CAMTA1: variants seen among roughly 807,000 people sequenced by gnomAD.
The protein encoded by CAMTA1 is calmodulin binding transcription activator 1.
Under a neutral mutation model 170.9 loss-of-function variants are expected in CAMTA1, and 27 were observed. The ratio of observed to expected loss-of-function variants is 0.16; its 90% confidence interval spans 0.12 to 0.22. The LOEUF is 0.22. Ranked by LOEUF, CAMTA1 falls within the 10% of genes least tolerant of loss-of-function variation. The pLI, the probability that CAMTA1 is intolerant of heterozygous loss-of-function variation, is 1.00. For synonymous variants in CAMTA1, 833 were observed against 891.5 expected, an observed-to-expected ratio of 0.93 and a Z score of 1.17; for missense variants, 1,619 against 2,217.2, an observed-to-expected ratio of 0.73 and a Z score of 5.42.
intron 4 of CAMTA1, among the ~76,000 whole-genome samples, chr1:7,186,788 G>A (rs1653376190): frequency 6.6e-6 from 1 of 152,174 alleles, no homozygotes; most frequent in Admixed American, 6.5e-5. Context: ...GGTCCACGGA[G>A]AATGAATGCT....
chr1:7,704,193 GGAGCCC>G (rs1434162258), intron 11 of CAMTA1, among the ~76,000 whole-genome samples: 2 of 148,500 alleles, frequency 1.3e-5, no homozygotes, highest in Middle Eastern at 3.5e-3. Flanking sequence ...GGCCGCGCAG[GGAGCCC>G]GAGCCCGGGA....
intron 6 of CAMTA1, among the ~76,000 whole-genome samples, chr1:7,558,330 G>T (rs2094908892): frequency 6.6e-6 from 1 of 152,202 alleles, no homozygotes; most frequent in Non-Finnish European, 1.5e-5. Flanking sequence ...AGGAAGAGGG[G>T]GGTCAAGGCC....
At chr1:7,492,625 A>ACACG (rs1220274308) in intron 6 of CAMTA1, among the ~76,000 whole-genome samples, 1 of 150,870 alleles carries the variant, frequency 6.6e-6, no homozygotes, top group Middle Eastern at 3.4e-3. Flanking sequence ...ATGTACATAC[A>ACACG]CGCGCACACA....
intron 3 of CAMTA1, among the ~76,000 whole-genome samples, chr1:6,859,693 G>A (rs1054700279): frequency 2.0e-5 from 3 of 152,194 alleles, no homozygotes. Context: ...GGAAGCTAAG[G>A]TGGGAGGATC....
intron 5 of CAMTA1, among the ~76,000 whole-genome samples, chr1:7,371,797 T>C (rs1209942923): frequency 6.6e-6 from 1 of 152,236 alleles, no homozygotes; most frequent in African/African-American, 2.4e-5. Context: ...TGAAATCTTC[T>C]GGTTCAGTGG....
chr1:7,358,556 GC>G (rs1032313777), intron 5 of CAMTA1, among the ~76,000 whole-genome samples: 65 of 151,748 alleles, frequency 4.3e-4, no homozygotes, highest in Non-Finnish European at 5.9e-5. Flanking sequence ...CGCCACCCCT[GC>G]CCCGGGCAGC....
At chr1:7,289,742 G>A (rs1471254207) in intron 5 of CAMTA1, among the ~76,000 whole-genome samples, 45 of 152,174 alleles carry the variant, frequency 3.0e-4, no homozygotes, top group Admixed American at 2.9e-3. Flanking sequence ...CTCAGGGCAG[G>A]CATGGAGAGA....
chr1:6,871,520 A>G (rs751431055), intron 3 of CAMTA1, among the ~76,000 whole-genome samples: 1 of 152,240 alleles, frequency 6.6e-6, no homozygotes, highest in Non-Finnish European at 1.5e-5. Flanking sequence ...AAATTGAAAT[A>G]TCAGCACTTT....
intron 3 of CAMTA1, among the ~76,000 whole-genome samples, chr1:7,040,740 TAAA>T (rs1467634812): frequency 6.6e-6 from 1 of 150,974 alleles, no homozygotes; most frequent in African/African-American, 2.4e-5. Context: ...TTTTTTTTTT[TAAA>T]GACAGAGTCT....
rs754591776 is a variant in CAMTA1 at position 7,664,785 on chromosome 1, C to T, written c.2238C>T (p.Pro746=). 18 of 1,612,460 alleles carry T rather than the reference C, an allele frequency of 1.1e-5. No homozygotes were observed. Among genetic ancestry groups the T allele is most frequent in the Middle Eastern group, 1.7e-4 (1 of 6,060 alleles). ...GCAACGTGGTGCAGGGACTCTACCC[C>T]GTGGCCCAGCCCAGCCTCGGCAACG... ...LPGNVVQGLY[P]VAQPSLGNAS... is the part of the protein sequence containing the mutation. The change falls in exon 9 of 23, where the codon CCC becomes CCT. Residue 746 remains proline, a synonymous_variant. Transcript: ENST00000303635.
intron 4 of CAMTA1, among the ~76,000 whole-genome samples, chr1:7,115,715 G>T (rs1186999392): frequency 6.6e-6 from 1 of 152,020 alleles, no homozygotes; most frequent in African/African-American, 2.4e-5. Flanking sequence ...AGCTGATGGT[G>T]TTGTTCCAGT....
intron 11 of CAMTA1, among the ~76,000 whole-genome samples, chr1:7,695,351 C>T (rs2096364548): frequency 6.6e-6 from 1 of 152,210 alleles, no homozygotes; most frequent in African/African-American, 2.4e-5. Flanking sequence ...CCAAGGCCCC[C>T]AATTGCACTC....
rs2096847686 is a variant in CAMTA1, at chr1:7,745,087, G to A, written c.4370+65G>A. On this transcript the variant is annotated intron_variant, in intron 17 of 22. Transcript: ENST00000303635. ...CCGGATGTAATTGGAGGCAGGGGAG[G>A]CTGATTGTATTTGATGAATGCCGTG... The A allele has an allele frequency of 3.5e-6, 5 of 1,446,198 alleles. No individual in the cohort carries two copies. The South Asian group carries it at 5.2e-5, about 15-fold the overall frequency. The allele number at this position is 1,446,198 out of a possible 1,614,324, so 89.6% of individuals were successfully genotyped here. A position where few individuals can be genotyped will look rare whatever the true frequency, so the allele number is the denominator to read the frequency against.
At chr1:6,841,471 A>G (rs537604735) in intron 3 of CAMTA1, among the ~76,000 whole-genome samples, 23 of 152,198 alleles carry the variant, frequency 1.5e-4, no homozygotes, top group Admixed American at 3.3e-4. Context: ...AGTAACCTCA[A>G]TGGGTGGTTC....
At chr1:6,996,699 AAGAAAG>A (rs1572315102) in intron 3 of CAMTA1, among the ~76,000 whole-genome samples, 1 of 152,154 alleles carries the variant, frequency 6.6e-6, no homozygotes, top group African/African-American at 2.4e-5. Context: ...AAAAGAAAGA[AAGAAAG>A]AAAGAAAGAA....
intron 3 of CAMTA1, among the ~76,000 whole-genome samples, chr1:7,059,430 C>T (rs959750312): frequency 2.6e-5 from 4 of 152,002 alleles, no homozygotes; most frequent in Admixed American, 6.6e-5. Context: ...CCAGCCTGGA[C>T]GATATACCGG....
At chr1:7,387,879 C>T (rs2088191272) in intron 5 of CAMTA1, among the ~76,000 whole-genome samples, 1 of 152,176 alleles carries the variant, frequency 6.6e-6, no homozygotes, top group Non-Finnish European at 1.5e-5. Flanking sequence ...GCTTTCCCCT[C>T]CCTCCCCCTC....
chr1:7,220,803 C>T (rs1032130488), intron 4 of CAMTA1, among the ~76,000 whole-genome samples: 52 of 152,356 alleles, frequency 3.4e-4, no homozygotes, highest in African/African-American at 1.1e-3. Flanking sequence ...CCTGGCACCA[C>T]GGGCCCAACT....
At chr1:7,232,382 A>G (rs1360112103) in intron 4 of CAMTA1, among the ~76,000 whole-genome samples, 1 of 152,212 alleles carries the variant, frequency 6.6e-6, no homozygotes, top group Non-Finnish European at 1.5e-5. Flanking sequence ...TTTGCTTTGG[A>G]ACCAGGAGCA....
Sources: allele counts gnomAD v4.1 joint callset (sites outside exome capture counted in the v4.1 genomes callset), GRCh38; gene constraint gnomAD v4.1.1; transcripts MANE v1.5; gene names NCBI Gene and HGNC (gene_info 2026-07-23, HGNC 2026-07-21).